PLXNB2: variants seen among roughly 807,000 people sequenced by gnomAD.
PLXNB2 encodes the protein plexin B2.
Under a neutral mutation model 202.6 loss-of-function variants are expected in PLXNB2, and 85 were observed. The ratio of observed to expected loss-of-function variants is 0.42; its 90% CI spans 0.35 to 0.50. The LOEUF is 0.50. Ranked by LOEUF, PLXNB2 falls within the 20% of genes least tolerant of loss-of-function variation. The pLI is 0.02. For synonymous variants in PLXNB2, 1,239 were observed against 1,137.6 expected, an observed-to-expected ratio of 1.09 and a Z score of -1.79; for missense variants, 2,063 against 2,586.2, an observed-to-expected ratio of 0.80 and a Z score of 4.39.
At chr22:50,307,463 C>T in intron 1 of PLXNB2, 90 bp downstream of exon 1, 3 of 729,118 alleles carry the variant, frequency 4.1e-6, no homozygotes, top group Non-Finnish European at 5.0e-6. Flanking sequence ...GGCCCCAGCG[C>T]GGCAGGCCCG....
In PLXNB2 at chr22:50,287,988, TG is replaced by T; in HGVS notation, c.1429del (p.Gln477SerfsTer53). The T allele has an allele frequency of 6.3e-7, 1 of 1,578,986 alleles. No individual in the cohort carries two copies. Among genetic ancestry groups the T allele is most frequent in the Admixed American group, 1.8e-5 (1 of 55,748 alleles). On this transcript the variant is annotated frameshift_variant, in exon 6 of 37. Coordinates refer to ENST00000359337, the MANE Select transcript of PLXNB2 (RefSeq NM_012401.4). LOFTEE classifies it high-confidence loss of function. Reference sequence around the variant, plus strand: ...GTAGGGGTCCTGGGAGTCGCGGCACTGGGTGCAGGTCGGGTAGCTCAGGCAC... The same window carrying T: ...GTAGGGGTCCTGGGAGTCGCGGCACTGGTGCAGGTCGGGTAGCTCAGGCAC... ...QECLSYPTCT[Q>X]CRDSQDPYCG...
chr22:50,293,230 G>A (rs1032453121), intron 2 of PLXNB2, among the ~76,000 whole-genome samples: 5 of 152,202 alleles, frequency 3.3e-5, no homozygotes. Context: ...CTGTGGCTCA[G>A]TGGCCTGTCC....
intron 35 of PLXNB2, 57 bp from the exon 36 acceptor site, chr22:50,276,020 G>A (rs1347969408): frequency 2.0e-6 from 3 of 1,517,486 alleles, no homozygotes; most frequent in Non-Finnish European, 2.7e-6. Context: ...CCCAGGGCTG[G>A]CAGGAGTAGT....
chr22:50,276,368 AGGG>A, intron 35 of PLXNB2, among the ~76,000 whole-genome samples: 1 of 57,244 alleles, frequency 1.7e-5, no homozygotes, highest in East Asian at 5.7e-4. Flanking sequence ...AGCCGCAGGG[AGGG>A]GGCGCTGTGG....
At chr22:50,295,970 T>C (rs1347781205) in intron 1 of PLXNB2, among the ~76,000 whole-genome samples, 1 of 151,952 alleles carries the variant, frequency 6.6e-6, no homozygotes, top group Non-Finnish European at 1.5e-5. Flanking sequence ...GGCGTAGTGG[T>C]GCGCGCCTGT....
Position 50,293,535 on chromosome 22 carries a change from G to A in PLXNB2, c.-14+1184C>T, listed in dbSNP as rs1358021805. Among the ~76,000 whole-genome samples, 11 of 152,196 alleles carry A rather than the reference G, an allele frequency of 7.2e-5. No homozygotes were observed. The South Asian group carries it at 1.7e-3, about 23-fold the overall frequency. On this transcript the variant is annotated intron_variant, in intron 2 of 36. Transcript: ENST00000359337. ...CTCACCCGGCCCAGCTCGCTCACCCGGCCCAGCTCGGTGGCAGTGGCAGAG... is the reference window on the plus strand; with the variant it reads ...CTCACCCGGCCCAGCTCGCTCACCCAGCCCAGCTCGGTGGCAGTGGCAGAG...
Position 50,284,251 on chromosome 22 carries a change from C to G in PLXNB2, c.2182-38G>C. Reference sequence around the variant, plus strand: ...CAGGGGCACACTGCACTTCCTGCCCCCACAGAGGGGCGTGGGGCGGGGGTC... The same window carrying G: ...CAGGGGCACACTGCACTTCCTGCCCGCACAGAGGGGCGTGGGGCGGGGGTC... On this transcript the variant is annotated intron_variant, in intron 12 of 36. Transcript: ENST00000359337. The surrounding 1 kb of genome is among the most constrained non-coding windows in gnomAD (Gnocchi z 8.0). 1 of 1,591,024 alleles carries G rather than the reference C, an allele frequency of 6.3e-7. No homozygotes were observed. Among genetic ancestry groups the G allele is most frequent in the Non-Finnish European group, 8.6e-7 (1 of 1,160,532 alleles).
At position 50,287,229 on chromosome 22, in the gene PLXNB2, G is replaced by A. The variant is rs370712237; in HGVS notation, c.1644C>T (p.Ser548=). 1.5e-5 allele frequency: 24 copies of A among 1,549,108 alleles called. No homozygotes were observed. Among genetic ancestry groups the A allele is most frequent in the African/African-American group, 5.5e-5 (4 of 73,124 alleles). ...AAAGGCACAGCAACTCGTCCTCCTCGCTCAGGGCAGGGAGGGGGCTGACGG... is the reference window on the plus strand; with the variant it reads ...AAAGGCACAGCAACTCGTCCTCCTCACTCAGGGCAGGGAGGGGGCTGACGG... ...QLTVSPLPAL[S]EEDELLCLFG... The change falls in exon 8 of 37, where the codon AGC becomes AGT. Residue 548 remains serine (S), a synonymous_variant. Coordinates refer to ENST00000359337, the MANE Select transcript of PLXNB2 (RefSeq NM_012401.4).
In PLXNB2 at chr22:50,288,925, C is replaced by T. The variant is rs1457221884; in HGVS notation, c.1251+35G>A. The T allele has an allele frequency of 6.2e-7, 1 of 1,606,938 alleles. No homozygotes were observed. The highest frequency in any genetic ancestry group is 8.5e-7 in the Non-Finnish European group (1 of 1,175,164). On this transcript the variant is annotated intron_variant, in intron 4 of 36. Coordinates refer to ENST00000359337, the MANE Select transcript of PLXNB2 (RefSeq NM_012401.4). This position sits in a 1 kb window ranked among gnomAD's most constrained non-coding sequence, Gnocchi z 5.0. Reference sequence around the variant, plus strand: ...GTACGGGCCTTGTGCACAGACGGGCCCTCCAGAGCCTCCCCGCCCCAGCCT... The same window carrying T: ...GTACGGGCCTTGTGCACAGACGGGCTCTCCAGAGCCTCCCCGCCCCAGCCT...
chr22:50,290,184 T>G lies in PLXNB2; in HGVS notation c.401A>C (p.Tyr134Ser). ...ALSNISLRLF[Y>S]EDGSGEKSFV... ...AGACTTCTCCCCGCTGCCGTCCTCG[T>G]AGAACAGGCGGAGGGAGATGTTGCT... Residue 134 changes from tyrosine (Y) to serine (S), a missense_variant, in exon 3 of 37, where the codon TAC (tyrosine) becomes TCC (serine). By Grantham distance (144) the Tyr-to-Ser change is moderately radical. Around this residue, in one of 2 missense-constraint regions of PLXNB2, gnomAD observed 1,303 missense variants for 1,476.8 expected, o/e 0.88. Coordinates refer to ENST00000359337, the MANE Select transcript of PLXNB2 (RefSeq NM_012401.4). The G allele has an allele frequency of 6.2e-7, 1 of 1,612,712 alleles. No homozygotes were observed. Among genetic ancestry groups the G allele is most frequent in the Non-Finnish European group, 8.5e-7 (1 of 1,179,996 alleles).
intron 1 of PLXNB2, 81 bp downstream of exon 1, chr22:50,307,472 C>T (rs1227282355): frequency 5.0e-6 from 4 of 805,710 alleles, no homozygotes; most frequent in Middle Eastern, 6.4e-4. Flanking sequence ...GCGGCAGGCC[C>T]GGGCGGAGCG....
chr22:50,281,483 C>T lies in PLXNB2; in HGVS notation c.3539G>A (p.Arg1180His), dbSNP rs1455752970. 1.9e-6 allele frequency: 3 copies of T among 1,611,978 alleles called. No homozygotes were observed. The highest frequency in any genetic ancestry group is 2.5e-6 in the Non-Finnish European group (3 of 1,179,662). Residue 1180 changes from arginine to histidine, a missense_variant, in exon 22 of 37, where the codon CGC becomes CAC. Arg to His is a conservative substitution (Grantham distance 29). This residue lies in a region of PLXNB2 where 760 missense variants were observed against 1,109.4 expected (regional missense o/e 0.69). Coordinates refer to ENST00000359337, the MANE Select transcript of PLXNB2 (RefSeq NM_012401.4). ...LPEFIVKFGS[R>H]EWVLGRVEYD... ...CTCCACGCGGCCCAGCACCCACTCG[C>T]GAGAGCCGAACTTCACCTGTGTGGG...
Position 50,307,563 on chromosome 22 carries a change from G to C in PLXNB2, c.-84C>G, listed in dbSNP as rs868699114. ...CCCCGAGCTCGGTACCTGCACGTCC[G>C]CCGCCAAGGCTCGATGGCGCCCGGG... On this transcript the variant is annotated 5_prime_UTR_variant, in exon 1 of 37. Coordinates refer to ENST00000359337, the MANE Select transcript of PLXNB2 (RefSeq NM_012401.4). 8.1e-6 allele frequency: 8 copies of C among 981,864 alleles called. No individual in the cohort carries two copies. The African/African-American group carries it at 8.8e-5, about 11-fold the overall frequency. The allele number at this position is 981,864 out of a possible 1,614,324, so 60.8% of individuals were successfully genotyped here.
chr22:50,294,521 C>A (rs1482555220), intron 2 of PLXNB2, among the ~76,000 whole-genome samples, 198 bp downstream of exon 2: 1 of 150,604 alleles, frequency 6.6e-6, no homozygotes, highest in African/African-American at 2.4e-5. Context: ...CCATGGGAGC[C>A]TCACAGCGGC....
Position 50,288,720 on chromosome 22 carries a change from C to G in PLXNB2, c.1380+23G>C, listed in dbSNP as rs781274343. 9.3e-6 allele frequency: 15 copies of G among 1,611,754 alleles called. No homozygotes were observed. Among genetic ancestry groups the G allele is most frequent in the Non-Finnish European group, 1.3e-5 (15 of 1,179,584 alleles). ...CCGGGCACACTTGGCCTAGAGTGCT[C>G]TCCGGGGCTGCGTCTGGCTCACCTT... On this transcript the variant is annotated intron_variant, in intron 5 of 36. Coordinates refer to ENST00000359337, the MANE Select transcript of PLXNB2 (RefSeq NM_012401.4). This position sits in a 1 kb window ranked among gnomAD's most constrained non-coding sequence, Gnocchi z 5.0.
chr22:50,305,079 G>A (rs1398793010), intron 1 of PLXNB2, among the ~76,000 whole-genome samples: 2 of 152,242 alleles, frequency 1.3e-5, no homozygotes, highest in Admixed American at 6.5e-5. Flanking sequence ...GCCTAGCTCA[G>A]AGAAGGCACA....
rs1176854645 is a variant in PLXNB2 at position 50,281,368 on chromosome 22, G to A, written c.3654C>T (p.Tyr1218=). ...PMVVVIAVSV[Y]CYWRKSQQAE... ...CCGGGGGGCGGGCTCACCAGTAGCAGTAGACAGACACCGCGATGACGACCA... is the reference window on the plus strand; with the variant it reads ...CCGGGGGGCGGGCTCACCAGTAGCAATAGACAGACACCGCGATGACGACCA... The change falls in exon 22 of 37, where the codon TAC becomes TAT. Residue 1218 remains tyrosine (Y), a synonymous_variant. Coordinates refer to ENST00000359337, the MANE Select transcript of PLXNB2 (RefSeq NM_012401.4). The A allele has an allele frequency of 6.2e-7, 1 of 1,612,132 alleles. No homozygotes were observed. The highest frequency in any genetic ancestry group is 8.5e-7 in the Non-Finnish European group (1 of 1,179,728).
chr22:50,280,693 C>T lies in PLXNB2; in HGVS notation c.3994-23G>A, dbSNP rs370059925. On this transcript the variant is annotated intron_variant, in intron 24 of 36. Transcript: ENST00000359337. ...GAACTGTAGGGGCCGGCGGTCAAAG[C>T]CTGCCCGGCGCCACCTGTGTGCCCT... 1.4e-4 allele frequency: 230 copies of T among 1,601,608 alleles called. 2 individuals are homozygous for T. The highest frequency in any genetic ancestry group is 1.7e-4 in the Middle Eastern group (1 of 5,820).
At chr22:50,303,646 TGG>T (rs1374882016) in intron 1 of PLXNB2, among the ~76,000 whole-genome samples, 3 of 152,238 alleles carry the variant, frequency 2.0e-5, no homozygotes, top group African/African-American at 7.2e-5. Context: ...GGGACTCAGC[TGG>T]GGCAGCATCA....
Sources: gnomAD v4.1 joint callset for allele counts (sites outside exome capture counted in the v4.1 genomes callset) on GRCh38, gnomAD v4.1.1 for gene constraint, gnomAD v4.1.1 regional missense constraint, Gnocchi (gnomAD v3.1) non-coding constraint, MANE v1.5 for transcripts, NCBI Gene and HGNC (gene_info 2026-07-23, HGNC 2026-07-21) for gene names.